The following RBPMS2 variants were observed in gnomAD, a reference collection of about 807,000 sequenced individuals.
RBPMS2 encodes the protein RNA-binding protein with multiple splicing 2.
RBPMS2 carries 14 observed loss-of-function variants against 25.7 expected under a neutral mutation model. The ratio of observed to expected loss-of-function variants is 0.55; its 90% confidence interval spans 0.36 to 0.85. The LOEUF (loss-of-function observed/expected upper bound fraction) is 0.85. Ranked by LOEUF, RBPMS2 falls within the 40% of genes least tolerant of loss-of-function variation. RBPMS2 has a pLI of 0.01. For missense variants in RBPMS2, 252 were observed against 283.4 expected, an observed-to-expected ratio of 0.89 and a Z score of 0.80; for synonymous variants, 127 against 115.6, an observed-to-expected ratio of 1.10 and a Z score of -0.63.
intron 1 of RBPMS2, among the ~76,000 whole-genome samples, chr15:64,772,777 TTATC>T (rs112475150): frequency 0.047 from 7,086 of 152,170 alleles, 532 homozygotes; most frequent in African/African-American, 0.16. Context: ...TGCCTTTATT[TTATC>T]TATCATTGCA....
intron 1 of RBPMS2, among the ~76,000 whole-genome samples, chr15:64,773,108 T>G (rs1334983665): frequency 1.3e-5 from 2 of 152,170 alleles, no homozygotes; most frequent in African/African-American, 4.8e-5. Context: ...CTCCAAGAGT[T>G]GACTGGGAAG....
At chr15:64,750,590 C>T (rs16948231) in intron 2 of RBPMS2, among the ~76,000 whole-genome samples, 7,647 of 152,244 alleles carry the variant, frequency 0.05, 616 homozygotes, top group African/African-American at 0.17. Context: ...GTGGGCATCA[C>T]GCGGCAGCAC....
intron 1 of RBPMS2, among the ~76,000 whole-genome samples, chr15:64,752,676 T>A (rs999418939): frequency 1.3e-5 from 2 of 151,894 alleles, no homozygotes; most frequent in African/African-American, 4.8e-5. Context: ...AGTGGCGCCA[T>A]CTCGGCTCAC....
At chr15:64,773,318 G>A (rs1354088195) in intron 1 of RBPMS2, among the ~76,000 whole-genome samples, 1 of 152,202 alleles carries the variant, frequency 6.6e-6, no homozygotes, top group African/African-American at 2.4e-5. Flanking sequence ...CTAGGCCAGG[G>A]CTTGGGGAAT....
intron 1 of RBPMS2, 125 bp from the exon 2 acceptor site, chr15:64,751,763 C>T (rs1428263933): frequency 1.4e-6 from 1 of 696,774 alleles, no homozygotes; most frequent in Non-Finnish European, 2.5e-6. Flanking sequence ...TTTCCTGGGC[C>T]TCCTTGGATA....
At chr15:64,743,849 A>G (rs1303063884) in intron 6 of RBPMS2, among the ~76,000 whole-genome samples, 1 of 152,222 alleles carries the variant, frequency 6.6e-6, no homozygotes, top group Non-Finnish European at 1.5e-5. Flanking sequence ...TCACGCCTGT[A>G]ATCCCAGCAC....
At chr15:64,747,202 T>TG (rs752667156) in intron 6 of RBPMS2, among the ~76,000 whole-genome samples, 16 of 152,156 alleles carry the variant, frequency 1.1e-4, no homozygotes, top group Non-Finnish European at 1.3e-4. Flanking sequence ...ATTCCCCTGC[T>TG]GGGGAAAACA....
Position 64,775,404 on chromosome 15 carries a change from G to C in RBPMS2, c.-85C>G, listed in dbSNP as rs1280885826. The C allele has an allele frequency of 5.6e-6, 4 of 720,674 alleles. No homozygotes were observed. The highest frequency in any genetic ancestry group is 7.6e-6 in the Non-Finnish European group (4 of 529,504). 44.6% of individuals were successfully genotyped at this position (720,674 alleles called of 1,614,324 possible). A position where few individuals can be genotyped will look rare whatever the true frequency, so the allele number is the denominator to read the frequency against. ...GGAAGTGGGAAGGGGCGCGGGGAGCGGTGCGCTCGCGGGTGCGGAGCGGGT... is the reference window on the plus strand; with the variant it reads ...GGAAGTGGGAAGGGGCGCGGGGAGCCGTGCGCTCGCGGGTGCGGAGCGGGT... On this transcript the variant is annotated 5_prime_UTR_variant, in exon 1 of 8. Coordinates refer to ENST00000300069, the MANE Select transcript of RBPMS2 (RefSeq NM_194272.3).
intron 2 of RBPMS2, 139 bp from the exon 3 acceptor site, chr15:64,750,520 C>T: frequency 2.6e-6 from 2 of 761,778 alleles, no homozygotes; most frequent in Non-Finnish European, 2.3e-6. Context: ...CCACCCTGAC[C>T]TCCGCCACTG....
At chr15:64,769,363 G>A (rs181516052) in intron 1 of RBPMS2, among the ~76,000 whole-genome samples, 8 of 149,990 alleles carry the variant, frequency 5.3e-5, no homozygotes. Flanking sequence ...GGTGGAGGTT[G>A]CGGTGAGCCG....
chr15:64,747,158 C>G (rs1449310919), intron 6 of RBPMS2, among the ~76,000 whole-genome samples: 1 of 152,180 alleles, frequency 6.6e-6, no homozygotes, highest in African/African-American at 2.4e-5. Flanking sequence ...CAATTCTGCC[C>G]TCAGTACAAC....
intron 1 of RBPMS2, among the ~76,000 whole-genome samples, chr15:64,774,481 A>T (rs193071907): frequency 6.6e-6 from 1 of 150,650 alleles, no homozygotes. Flanking sequence ...GCCGCCTTAC[A>T]CTCCCTCCCT....
At chr15:64,757,740 G>A (rs1317187651) in intron 1 of RBPMS2, among the ~76,000 whole-genome samples, 2 of 152,280 alleles carry the variant, frequency 1.3e-5, no homozygotes, top group Admixed American at 6.5e-5. Flanking sequence ...TGGTACCTAC[G>A]TCAGGGTAAC....
At chr15:64,745,690 A>AC (rs1351148505) in intron 6 of RBPMS2, among the ~76,000 whole-genome samples, 3 of 152,082 alleles carry the variant, frequency 2.0e-5, no homozygotes, top group African/African-American at 4.8e-5. Flanking sequence ...TTTGTGCCTC[A>AC]CCCTCTTTAA....
At chr15:64,774,850 G>C (rs4777550) in intron 1 of RBPMS2, among the ~76,000 whole-genome samples, 131,589 of 151,416 alleles carry the variant, frequency 0.87, 58,406 homozygotes, top group East Asian at 0.95. Context: ...CGCCGAGGCG[G>C]GGTCCTGGCC....
intron 1 of RBPMS2, among the ~76,000 whole-genome samples, chr15:64,755,014 A>G (rs1415273435): frequency 6.6e-6 from 1 of 152,164 alleles, no homozygotes; most frequent in Non-Finnish European, 1.5e-5. Context: ...AGTTCTCCCC[A>G]GGGGCCACAC....
intron 1 of RBPMS2, among the ~76,000 whole-genome samples, chr15:64,763,026 CCTTGGTGTGGT>C (rs1375438621): frequency 6.7e-6 from 1 of 149,506 alleles, no homozygotes. Flanking sequence ...GCAGTCATAC[CCTTGGTGTGGT>C]CTTGGTCGCC....
intron 6 of RBPMS2, among the ~76,000 whole-genome samples, chr15:64,746,903 T>C (rs1244131631): frequency 6.6e-6 from 1 of 152,204 alleles, no homozygotes; most frequent in Non-Finnish European, 1.5e-5. Context: ...CTGTGATTCC[T>C]TCCAGTGCCT....
intron 1 of RBPMS2, among the ~76,000 whole-genome samples, chr15:64,756,996 G>C (rs2083738158): frequency 7.8e-6 from 1 of 127,538 alleles, no homozygotes; most frequent in African/African-American, 2.9e-5. Flanking sequence ...TTTTGGAAAT[G>C]GAGTCTCGGT....
Sources: allele counts gnomAD v4.1 joint callset (sites outside exome capture counted in the v4.1 genomes callset), GRCh38; gene constraint gnomAD v4.1.1; transcripts MANE v1.5; gene names NCBI Gene and HGNC (gene_info 2026-07-23, HGNC 2026-07-21).